The following CNKSR3 variants were observed in gnomAD, a reference collection of about 807,000 sequenced individuals.
The protein encoded by CNKSR3 is connector enhancer of kinase suppressor of ras 3.
CNKSR3 carries 36 observed loss-of-function variants against 67.7 expected under a neutral mutation model. That is an observed-to-expected ratio of 0.53 (90% CI 0.41 to 0.70). The LOEUF (loss-of-function observed/expected upper bound fraction) is 0.70, where lower values mean the gene tolerates loss of function less well. Ranked by LOEUF, CNKSR3 falls within the 30% of genes least tolerant of loss-of-function variation. The pLI is 0.00. For missense variants in CNKSR3, 630 were observed against 695.2 expected, an observed-to-expected ratio of 0.91 and a Z score of 1.05; for synonymous variants, 281 against 271.4, an observed-to-expected ratio of 1.04 and a Z score of -0.35.
At chr6:154,434,761 A>G (rs1435702116) in intron 4 of CNKSR3, among the ~76,000 whole-genome samples, 1 of 152,188 alleles carries the variant, frequency 6.6e-6, no homozygotes, top group African/African-American at 2.4e-5. Context: ...ATCTTAAACT[A>G]CAGGAGCGGC....
intron 7 of CNKSR3, among the ~76,000 whole-genome samples, chr6:154,424,788 GAC>G (rs1785222601): frequency 6.6e-6 from 1 of 151,912 alleles, no homozygotes; most frequent in Non-Finnish European, 1.5e-5. Flanking sequence ...TGTTTTTTGA[GAC>G]AGTCTCACTC....
intron 1 of CNKSR3, among the ~76,000 whole-genome samples, chr6:154,455,768 A>G (rs748028880): frequency 5.1e-4 from 78 of 152,316 alleles, no homozygotes; most frequent in Middle Eastern, 3.4e-3. Context: ...ATTGATTGTG[A>G]TATCAGTTAC....
chr6:154,456,953 C>A (rs79349981), intron 1 of CNKSR3, among the ~76,000 whole-genome samples: 2 of 152,094 alleles, frequency 1.3e-5, no homozygotes, highest in South Asian at 4.2e-4. Flanking sequence ...ACCAGAGGGA[C>A]GGAAACAGGA....
intron 1 of CNKSR3, among the ~76,000 whole-genome samples, chr6:154,492,248 T>C (rs1232784500): frequency 2.0e-5 from 3 of 152,164 alleles, no homozygotes; most frequent in Non-Finnish European, 4.4e-5. Context: ...ACTGCAATCC[T>C]TGCTGGTTGC....
rs1349555433 is a variant in CNKSR3 at position 154,394,517 on chromosome 6, C to A, written c.*11837G>T. The A allele has an allele frequency of 1.3e-5, 2 of 150,958 alleles. No individual in the cohort carries two copies. Among genetic ancestry groups the A allele is most frequent in the South Asian group, 4.2e-4 (2 of 4,802 alleles). 9.4% of individuals were successfully genotyped at this position (150,958 alleles called of 1,614,324 possible). ...CAGAGCATTACCCAACCTGGAACAT[C>A]CAAAGTGGACGTTGATGAGGAAAAT... On this transcript the variant is annotated 3_prime_UTR_variant, in exon 13 of 13. Coordinates refer to ENST00000607772, the MANE Select transcript of CNKSR3 (RefSeq NM_173515.4).
intron 4 of CNKSR3, chr6:154,434,001 C>A (rs1406958789): frequency 6.5e-6 from 1 of 152,672 alleles, no homozygotes. Flanking sequence ...TTAAGCACCA[C>A]TGAGATTAAA....
rs1056596732 is a variant in CNKSR3 at position 154,400,774 on chromosome 6, C to G, written c.*5580G>C. ...TTTCCTTTACTTATGTAAAAGGTAC[C>G]CTTTGTCAAATTAGCACACTTCTGG... On this transcript the variant is annotated 3_prime_UTR_variant, in exon 13 of 13. Transcript: ENST00000607772. The G allele has an allele frequency of 6.6e-6, 1 of 152,086 alleles. No individual in the cohort carries two copies. Among genetic ancestry groups the G allele is most frequent in the African/African-American group, 2.4e-5 (1 of 41,420 alleles). 9.4% of individuals were successfully genotyped at this position (152,086 alleles called of 1,614,324 possible).
chr6:154,406,559 G>T lies in CNKSR3; in HGVS notation c.1463C>A (p.Thr488Lys). The change falls in exon 13 of 13, where the codon ACG (threonine) becomes AAG (lysine). Residue 488 changes from threonine to lysine, a missense_variant. By Grantham distance (78) the Thr-to-Lys change is moderately conservative. Around this residue, in one of 3 missense-constraint regions of CNKSR3, gnomAD observed 308 missense variants for 299.6 expected, o/e 1.03. Transcript: ENST00000607772. ...ACCCCGGACCAGATGCCGCTCGGTC[G>T]TGGGTCTGGAGAACCGGTATGGGGG... The part of the protein sequence containing the change: ...SSPPYRFSRP[T>K]TERHLVRGAD... 1 of 1,614,200 alleles carries T rather than the reference G, an allele frequency of 6.2e-7. No individual in the cohort carries two copies.
intron 1 of CNKSR3, among the ~76,000 whole-genome samples, chr6:154,498,285 A>T (rs1786916739): frequency 6.6e-6 from 1 of 151,962 alleles, no homozygotes; most frequent in Non-Finnish European, 1.5e-5. Flanking sequence ...GACAATTAAC[A>T]CCTGACCATG....
chr6:154,444,869 T>G (rs1236939025), intron 2 of CNKSR3, among the ~76,000 whole-genome samples: 2 of 152,136 alleles, frequency 1.3e-5, no homozygotes, highest in African/African-American at 4.8e-5. Flanking sequence ...CCTCCCAAAG[T>G]GCTGGGATTA....
At chr6:154,410,267 A>C (rs1053188331) in intron 12 of CNKSR3, 76 bp downstream of exon 12, 4 of 987,984 alleles carry the variant, frequency 4.0e-6, no homozygotes, top group Non-Finnish European at 6.4e-6. Flanking sequence ...ACACATTTAG[A>C]AACAGAGGTG....
intron 1 of CNKSR3, among the ~76,000 whole-genome samples, chr6:154,491,378 T>C (rs1211303319): frequency 6.6e-6 from 1 of 152,182 alleles, no homozygotes; most frequent in African/African-American, 2.4e-5. Context: ...AAACAGCTGG[T>C]GAATTCTATT....
At chr6:154,423,486 A>G (rs907814716) in intron 7 of CNKSR3, among the ~76,000 whole-genome samples, 4 of 152,074 alleles carry the variant, frequency 2.6e-5, no homozygotes, top group Middle Eastern at 3.2e-3. Context: ...TCGAACTCCC[A>G]ACTTCAGGTG....
intron 1 of CNKSR3, among the ~76,000 whole-genome samples, chr6:154,480,948 A>C (rs543742924): frequency 2.0e-5 from 3 of 152,300 alleles, no homozygotes; most frequent in Admixed American, 2.0e-4. Flanking sequence ...TAGCAGTCTT[A>C]TGCATATTTG....
At chr6:154,488,563 T>C (rs573497738) in intron 1 of CNKSR3, among the ~76,000 whole-genome samples, 4 of 152,300 alleles carry the variant, frequency 2.6e-5, no homozygotes, top group Middle Eastern at 3.4e-3. Context: ...CTTAAGGAAA[T>C]ATTTTTTCAA....
At chr6:154,463,437 G>A (rs1366635877) in intron 1 of CNKSR3, among the ~76,000 whole-genome samples, 2 of 152,120 alleles carry the variant, frequency 1.3e-5, no homozygotes, top group Non-Finnish European at 2.9e-5. Context: ...CATGGGCTGG[G>A]GGTATTCACC....
intron 4 of CNKSR3, among the ~76,000 whole-genome samples, chr6:154,439,822 T>G (rs551874836): frequency 2.0e-5 from 3 of 151,666 alleles, no homozygotes; most frequent in South Asian, 2.1e-4. Context: ...AGCAAGGAGG[T>G]CGAGGCTGCA....
chr6:154,398,827 A>C lies in CNKSR3; in HGVS notation c.*7527T>G, dbSNP rs2128708934. ...CGGGGCGCAGTGGCTCACGCCTGTA[A>C]TCCCAACACTTTGGGAGGCTGAGGT... On this transcript the variant is annotated 3_prime_UTR_variant, in exon 13 of 13. Coordinates refer to ENST00000607772, the MANE Select transcript of CNKSR3 (RefSeq NM_173515.4). The C allele has an allele frequency of 6.6e-6, 1 of 152,382 alleles. No homozygotes were observed. Among genetic ancestry groups the C allele is most frequent in the South Asian group, 2.1e-4 (1 of 4,832 alleles). The allele number at this position is 152,382 out of a possible 1,614,324, so 9.4% of individuals were successfully genotyped here. A position where few individuals can be genotyped will look rare whatever the true frequency, so the allele number is the denominator to read the frequency against.
At position 154,503,172 on chromosome 6, in the gene CNKSR3, G is replaced by A. The variant is rs144415503; in HGVS notation, c.52+6891C>T. Among the ~76,000 whole-genome samples, 178 of 152,220 alleles carry A rather than the reference G, an allele frequency of 1.2e-3. 1 individual carries two copies. The highest frequency in any genetic ancestry group is 6.8e-3 in the Middle Eastern group (2 of 294). ...AAGTCAGTTAAGTGTGGTAAACCCC[G>A]TGTGGTCACCAACTATAGGATAGTG... On this transcript the variant is annotated intron_variant, in intron 1 of 12. Transcript: ENST00000607772.
Sources: gnomAD v4.1 joint callset for allele counts (sites outside exome capture counted in the v4.1 genomes callset) on GRCh38, gnomAD v4.1.1 for gene constraint, gnomAD v4.1.1 regional missense constraint, MANE v1.5 for transcripts, NCBI Gene and HGNC (gene_info 2026-07-23, HGNC 2026-07-21) for gene names.